Variants in KIF21B observed in about 807,000 individuals in gnomAD.
KIF21B encodes the protein kinesin family member 21B, also known as kinesin-like protein KIF21B.
Under a neutral mutation model 192.9 loss-of-function variants are expected in KIF21B, and 85 were observed. The observed-to-expected ratio is 0.44, with a 90% confidence interval of 0.37 to 0.53. The LOEUF is 0.53. Ranked by LOEUF, KIF21B falls within the 20% of genes least tolerant of loss-of-function variation. The pLI is 0.00. For synonymous variants in KIF21B, 832 were observed against 884.6 expected (o/e 0.94, Z 1.05); for missense variants, 1,716 against 2,194.8 (o/e 0.78, Z 4.36).
Position 201,002,144 on chromosome 1 carries a change from G to T in KIF21B, c.1402+17C>A. On this transcript the variant is annotated intron_variant, in intron 9 of 34. Coordinates refer to ENST00000461742, the MANE Select transcript of KIF21B (RefSeq NM_001252102.2). The stretch of plus-strand genomic sequence containing the variant: ...GCCCGTTGGTGCTCTGACCTGGCCT[G>T]GCACAGCCCAACTCACCGGCCTTGG... 1 of 1,612,320 alleles carries T rather than the reference G, an allele frequency of 6.2e-7. No individual in the cohort carries two copies.
chr1:200,970,182 A>T lies in KIF21B; in HGVS notation c.*3339T>A, dbSNP rs1655146437. ...GGGCAAAGAAGTGTTATGTTCCCTA[A>T]CGTCACTGCAGCCACCTGCTGGTGT... On this transcript the variant is annotated 3_prime_UTR_variant, in exon 35 of 35. Coordinates refer to ENST00000461742, the MANE Select transcript of KIF21B (RefSeq NM_001252102.2). The T allele has an allele frequency of 6.5e-6, 1 of 152,876 alleles. No individual in the cohort carries two copies. The highest frequency in any genetic ancestry group is 6.5e-5 in the Admixed American group (1 of 15,292). 9.5% of individuals were successfully genotyped at this position (152,876 alleles called of 1,614,324 possible).
intron 15 of KIF21B, among the ~76,000 whole-genome samples, chr1:200,995,874 A>G (rs1201362739): frequency 6.6e-6 from 1 of 152,132 alleles, no homozygotes; most frequent in Non-Finnish European, 1.5e-5. Flanking sequence ...GCAGACCCGA[A>G]GCGAGTATGC....
At chr1:201,011,265 G>A (rs1193401317) in intron 1 of KIF21B, among the ~76,000 whole-genome samples, 1 of 152,190 alleles carries the variant, frequency 6.6e-6, no homozygotes, top group Non-Finnish European at 1.5e-5. Flanking sequence ...CTGCTAATAA[G>A]GGCAGCAGAC....
chr1:201,002,785 C>G (rs79773384), intron 8 of KIF21B: 9,976 of 160,444 alleles, frequency 0.062, 1,010 homozygotes, highest in African/African-American at 0.22. Flanking sequence ...CTATGCCTCT[C>G]CAGCCAACTT....
rs150269558 is a variant in KIF21B at position 201,005,995 on chromosome 1, A to C, written c.448-301T>G. Among the ~76,000 whole-genome samples, 1,484 of 152,350 alleles carry C rather than the reference A, an allele frequency of 9.7e-3. 10 individuals are homozygous for C. Among genetic ancestry groups the C allele is most frequent in the South Asian group, 0.027 (130 of 4,828 alleles). The stretch of plus-strand genomic sequence containing the variant: ...AAGGGACACGGGTCCCAGATGTAGG[A>C]GATAAGGAAGATGTGGCCACAATTT... On this transcript the variant is annotated intron_variant, in intron 3 of 34. Coordinates refer to ENST00000461742, the MANE Select transcript of KIF21B (RefSeq NM_001252102.2).
Position 200,999,320 on chromosome 1 carries a change from C to T in KIF21B, c.1885+29G>A, listed in dbSNP as rs1195566620. 2.5e-6 allele frequency: 4 copies of T among 1,613,840 alleles called. No homozygotes were observed. Among genetic ancestry groups the T allele is most frequent in the South Asian group, 2.2e-5 (2 of 91,084 alleles). On this transcript the variant is annotated intron_variant, in intron 13 of 34. Coordinates refer to ENST00000461742, the MANE Select transcript of KIF21B (RefSeq NM_001252102.2). This position sits in a 1 kb window ranked among gnomAD's most constrained non-coding sequence, Gnocchi z 4.7. ...GCACTGGCAGCCAGGCATTGCATCC[C>T]CCACAGCCCACAGCTCAGGCCCACG...
At chr1:201,004,507 G>C (rs1255977592) in intron 6 of KIF21B, 52 bp from the exon 7 acceptor site, 2 of 1,460,618 alleles carry the variant, frequency 1.4e-6, no homozygotes, top group Non-Finnish European at 9.4e-7. Context: ...GCGAAGGGTA[G>C]GGAGGGACAA....
At chr1:200,974,259 G>T in intron 34 of KIF21B, 1 of 1,454,560 alleles carries the variant, frequency 6.9e-7, no homozygotes, top group South Asian at 1.4e-5. Context: ...GGAGGGGAGA[G>T]AAGGGACAAA....
intron 1 of KIF21B, among the ~76,000 whole-genome samples, chr1:201,020,960 T>A (rs2102487853): frequency 6.6e-6 from 1 of 152,282 alleles, no homozygotes; most frequent in East Asian, 1.9e-4. Context: ...AAGAAAGGAC[T>A]TCCAGAAAGT....
intron 34 of KIF21B, chr1:200,973,800 G>C: frequency 7.0e-7 from 1 of 1,435,048 alleles, no homozygotes; most frequent in Non-Finnish European, 9.1e-7. Flanking sequence ...CTTTGTCATG[G>C]GTTTTCTTTT....
intron 30 of KIF21B, among the ~76,000 whole-genome samples, chr1:200,978,119 G>A (rs541019391): frequency 7.3e-5 from 11 of 150,276 alleles, no homozygotes; most frequent in Non-Finnish European, 1.3e-4. Context: ...GTGTGATCTC[G>A]GCTCACTGCA....
At chr1:201,014,530 T>G (rs1363202604) in intron 1 of KIF21B, among the ~76,000 whole-genome samples, 2 of 152,170 alleles carry the variant, frequency 1.3e-5, no homozygotes, top group Non-Finnish European at 2.9e-5. Context: ...GGGCACGTGC[T>G]GGGAGCCCGC....
rs1283346707 is a variant in KIF21B, at chr1:200,970,386, C to G, written c.*3135G>C. On this transcript the variant is annotated 3_prime_UTR_variant, in exon 35 of 35. Coordinates refer to ENST00000461742, the MANE Select transcript of KIF21B (RefSeq NM_001252102.2). ...ATCCAGGGTGAGGCCACTCCCAGAC[C>G]CACCGCTGTCCCTTCCCAAGGGGCT... 6.5e-6 allele frequency: 1 copy of G among 152,744 alleles called. No individual in the cohort carries two copies. The highest frequency in any genetic ancestry group is 1.5e-5 in the Non-Finnish European group (1 of 68,088). 9.5% of individuals were successfully genotyped at this position (152,744 alleles called of 1,614,324 possible).
chr1:200,988,176 C>T, intron 24 of KIF21B, 120 bp downstream of exon 24: 1 of 1,047,186 alleles, frequency 9.5e-7, no homozygotes, highest in South Asian at 1.3e-5. Flanking sequence ...GCACCTCCCT[C>T]CCAGCTGGGG....
At chr1:200,976,235 C>T (rs566946082) in intron 32 of KIF21B, among the ~76,000 whole-genome samples, 17 of 152,060 alleles carry the variant, frequency 1.1e-4, no homozygotes, top group South Asian at 8.3e-4. Context: ...GGACTACAGG[C>T]GCCCGACACC....
chr1:200,976,587 C>T (rs889844771), intron 32 of KIF21B, among the ~76,000 whole-genome samples, 189 bp downstream of exon 32: 6 of 152,210 alleles, frequency 3.9e-5, no homozygotes, highest in African/African-American at 1.4e-4. Flanking sequence ...ATGAATTTTT[C>T]ACCAGTTACA....
rs569731500 is a variant in KIF21B at position 201,016,348 on chromosome 1, T to A, written c.42-6860A>T. ...TTCCCTGTCTCATGCTTAAGAAAGCTGAAGCCTGGAGCAGGGAGAAGTACG... is the reference window on the plus strand; with the variant it reads ...TTCCCTGTCTCATGCTTAAGAAAGCAGAAGCCTGGAGCAGGGAGAAGTACG... On this transcript the variant is annotated intron_variant, in intron 1 of 34. Transcript: ENST00000461742. 3.9e-5 allele frequency among the ~76,000 whole-genome samples: 6 copies of A among 152,348 alleles called. 1 individual carries two copies. In the South Asian group the frequency reaches 1.2e-3, roughly 32 times the overall value.
intron 24 of KIF21B, among the ~76,000 whole-genome samples, chr1:200,987,470 C>T (rs976443351): frequency 6.6e-6 from 1 of 152,116 alleles, no homozygotes; most frequent in East Asian, 1.9e-4. Flanking sequence ...TCTTGAACTC[C>T]TGGGCTCACA....
At chr1:201,010,597 G>C (rs1658175473) in intron 1 of KIF21B, among the ~76,000 whole-genome samples, 1 of 152,138 alleles carries the variant, frequency 6.6e-6, no homozygotes, top group South Asian at 2.1e-4. Context: ...ATGCCCATGG[G>C]CTCACACAAG....
Sources: gnomAD v4.1 joint callset for allele counts (sites outside exome capture counted in the v4.1 genomes callset) on GRCh38, gnomAD v4.1.1 for gene constraint, Gnocchi (gnomAD v3.1) non-coding constraint, MANE v1.5 for transcripts, NCBI Gene and HGNC (gene_info 2026-07-23, HGNC 2026-07-21) for gene names.